Variants in TMEM244 observed in about 807,000 individuals in gnomAD.
TMEM244 encodes the protein transmembrane protein 244.
In TMEM244, 13 loss-of-function variants were observed where a neutral mutation model predicts 15.8. The observed-to-expected ratio is 0.82, with a 90% CI of 0.53 to 1.30. TMEM244 has a LOEUF of 1.30. Ranked by LOEUF, TMEM244 falls within the 50% of genes most tolerant of loss-of-function variation. The pLI, the probability that TMEM244 is intolerant of heterozygous loss-of-function variation, is 0.00. For missense variants in TMEM244, 161 were observed against 144.9 expected (o/e 1.11, Z -0.57); for synonymous variants, 45 against 48.7 (o/e 0.92, Z 0.32).
intron 3 of TMEM244, among the ~76,000 whole-genome samples, chr6:129,835,109 A>G (rs1776384547): frequency 1.3e-5 from 2 of 152,152 alleles, no homozygotes; most frequent in Admixed American, 6.5e-5. Flanking sequence ...CAGTCATAAG[A>G]CCTTGTCTGG....
intron 1 of TMEM244, among the ~76,000 whole-genome samples, chr6:129,859,175 G>A (rs1776765002): frequency 6.6e-6 from 1 of 152,194 alleles, no homozygotes; most frequent in Admixed American, 6.6e-5. Context: ...ACTGACAAGT[G>A]TGTGACATTG....
intron 1 of TMEM244, among the ~76,000 whole-genome samples, chr6:129,850,957 T>C (rs1776630125): frequency 6.6e-6 from 1 of 152,208 alleles, no homozygotes; most frequent in Admixed American, 6.5e-5. Flanking sequence ...GTTGATAGTC[T>C]AACTATATTG....
chr6:129,860,145 GTGTCT>G (rs1776781705), intron 1 of TMEM244, among the ~76,000 whole-genome samples: 1 of 129,072 alleles, frequency 7.7e-6, no homozygotes, highest in Non-Finnish European at 1.7e-5. Context: ...GTGTGTGTGT[GTGTCT>G]GTCTGTCTGG....
chr6:129,857,387 G>A (rs559693628), intron 1 of TMEM244, among the ~76,000 whole-genome samples: 8 of 149,604 alleles, frequency 5.3e-5, no homozygotes, highest in African/African-American at 1.2e-4. Context: ...ATGGAGTCTC[G>A]CTCTGTCACC....
At chr6:129,857,815 C>CACATATATATATGTGTATATATATGT (rs1263405393) in intron 1 of TMEM244, among the ~76,000 whole-genome samples, 27 of 149,622 alleles carry the variant, frequency 1.8e-4, no homozygotes, top group Non-Finnish European at 3.7e-4. Flanking sequence ...TATATATACA[C>CACATATATATATGTGTATATATATGT]ACATATATAT....
At chr6:129,852,885 C>A (rs1776653796) in intron 1 of TMEM244, among the ~76,000 whole-genome samples, 2 of 152,160 alleles carry the variant, frequency 1.3e-5, no homozygotes, top group Admixed American at 6.5e-5. Context: ...CACCTCCTCA[C>A]CATCTCCCTC....
intron 1 of TMEM244, among the ~76,000 whole-genome samples, chr6:129,851,527 C>A (rs1776637979): frequency 6.6e-6 from 1 of 152,140 alleles, no homozygotes; most frequent in African/African-American, 2.4e-5. Context: ...GCCTTAGCCT[C>A]CCAAAGTGCT....
chr6:129,836,455 G>T (rs1776409901), intron 3 of TMEM244, among the ~76,000 whole-genome samples: 1 of 152,184 alleles, frequency 6.6e-6, no homozygotes, highest in Admixed American at 6.5e-5. Flanking sequence ...AAACCACAAA[G>T]ATGGGGAGAA....
intron 3 of TMEM244, among the ~76,000 whole-genome samples, chr6:129,840,771 A>G (rs559674373): frequency 5.1e-4 from 78 of 152,346 alleles, no homozygotes; most frequent in African/African-American, 1.7e-3. Flanking sequence ...AAGTATATGA[A>G]GAGACACTTC....
intron 3 of TMEM244, among the ~76,000 whole-genome samples, chr6:129,836,087 G>A (rs539444275): frequency 2.0e-5 from 3 of 152,266 alleles, no homozygotes; most frequent in East Asian, 1.9e-4. Flanking sequence ...TTCGAGCTCC[G>A]AGAACAGACA....
chr6:129,845,170 A>G (rs1776544450), intron 2 of TMEM244, among the ~76,000 whole-genome samples: 2 of 152,220 alleles, frequency 1.3e-5, no homozygotes, highest in South Asian at 4.1e-4. Flanking sequence ...TTGAAATAGG[A>G]GATACACTGT....
chr6:129,852,254 C>A (rs541339086), intron 1 of TMEM244, among the ~76,000 whole-genome samples: 2 of 152,030 alleles, frequency 1.3e-5, no homozygotes, highest in African/African-American at 4.8e-5. Flanking sequence ...TTTATTCAAC[C>A]GGTGAGCATC....
chr6:129,859,756 G>T (rs1273321974), intron 1 of TMEM244, among the ~76,000 whole-genome samples: 1 of 152,160 alleles, frequency 6.6e-6, no homozygotes, highest in East Asian at 1.9e-4. Flanking sequence ...TACAGATAGG[G>T]GGGATTTAAT....
chr6:129,837,398 C>T (rs1776424319), intron 3 of TMEM244, among the ~76,000 whole-genome samples: 1 of 152,174 alleles, frequency 6.6e-6, no homozygotes, highest in South Asian at 2.1e-4. Context: ...ACCACCAGGC[C>T]TGCCTTACAA....
chr6:129,835,166 T>A (rs538373031), intron 3 of TMEM244, among the ~76,000 whole-genome samples: 1 of 152,106 alleles, frequency 6.6e-6, no homozygotes, highest in Admixed American at 6.5e-5. Flanking sequence ...GAGGCCGAGG[T>A]GGGAGCATCA....
At chr6:129,844,945 A>G (rs1451073633) in intron 2 of TMEM244, among the ~76,000 whole-genome samples, 1 of 152,246 alleles carries the variant, frequency 6.6e-6, no homozygotes, top group Non-Finnish European at 1.5e-5. Context: ...TTTCTAAGAA[A>G]TCATTTGTAA....
At chr6:129,837,645 T>C (rs1053955393) in intron 3 of TMEM244, among the ~76,000 whole-genome samples, 2 of 151,922 alleles carry the variant, frequency 1.3e-5, no homozygotes, top group East Asian at 3.9e-4. Flanking sequence ...GGATAAAGAG[T>C]CAAGATCCAT....
chr6:129,833,656 A>G, intron 3 of TMEM244, 71 bp from the exon 4 acceptor site: 1 of 1,427,632 alleles, frequency 7.0e-7, no homozygotes, highest in East Asian at 2.4e-5. Context: ...AACTAGTAAC[A>G]AGACCAGGAA....
intron 1 of TMEM244, among the ~76,000 whole-genome samples, chr6:129,846,690 A>G (rs1249692821): frequency 6.6e-6 from 1 of 152,200 alleles, no homozygotes; most frequent in Non-Finnish European, 1.5e-5. Context: ...AATGGCAAGA[A>G]CCACAGTTAC....
Sources: gnomAD v4.1 joint callset for allele counts (sites outside exome capture counted in the v4.1 genomes callset) on GRCh38, gnomAD v4.1.1 for gene constraint, MANE v1.5 for transcripts, NCBI Gene and HGNC (gene_info 2026-07-23, HGNC 2026-07-21) for gene names.